Variants in RASAL1 observed in about 807,000 individuals in gnomAD.
RASAL1 encodes RAS protein activator like 1.
Under a neutral mutation model 96.6 loss-of-function variants are expected in RASAL1, and 72 were observed. That is an observed-to-expected ratio of 0.75 (90% CI 0.62 to 0.91). The LOEUF (loss-of-function observed/expected upper bound fraction) is 0.91, where lower values mean the gene tolerates loss of function less well. Among genes scored for constraint, RASAL1 ranks in the 40% least tolerant of loss-of-function variants. The pLI is 0.00. For synonymous variants in RASAL1, 405 were observed against 430.4 expected (o/e 0.94, Z 0.73); for missense variants, 1,016 against 1,072.5 (o/e 0.95, Z 0.74).
chr12:113,118,722 GA>G (rs1172993267), intron 7 of RASAL1, among the ~76,000 whole-genome samples: 1 of 152,152 alleles, frequency 6.6e-6, no homozygotes, highest in African/African-American at 2.4e-5. Flanking sequence ...ATATGACCTT[GA>G]AAAAGCCACT....
At position 113,135,533 on chromosome 12, in the gene RASAL1, T is replaced by A. The variant is rs1437656783; in HGVS notation, c.-71A>T. On this transcript the variant is annotated 5_prime_UTR_variant, in exon 1 of 21. It removes an upstream start codon present in the reference 5' UTR. Coordinates refer to ENST00000548055, the MANE Select transcript of RASAL1 (RefSeq NM_001301202.2). The surrounding 1 kb of genome is among the most constrained non-coding windows in gnomAD (Gnocchi z 5.7). Reference sequence around the variant, plus strand: ...GAGGCTGGACCAGGGGACGTCTACATGTCACCTGCTTCAAGCCTGGCTCCC... The same window carrying A: ...GAGGCTGGACCAGGGGACGTCTACAAGTCACCTGCTTCAAGCCTGGCTCCC... 7.6e-6 allele frequency: 10 copies of A among 1,315,602 alleles called. No individual in the cohort carries two copies. Among genetic ancestry groups the A allele is most frequent in the Non-Finnish European group, 9.6e-6 (9 of 937,196 alleles). The allele number at this position is 1,315,602 out of a possible 1,614,324, so 81.5% of individuals were successfully genotyped here.
In RASAL1 at chr12:113,108,081, G is replaced by A. The variant is rs1244963162; in HGVS notation, c.1512+4C>T. ...CTAGGATGGGGGAAACCCATGGCTG[G>A]CACCTTGGCAAGCAACAGCAGTGAG... On this transcript the variant is annotated splice_donor_region_variant and intron_variant, in intron 14 of 20. Coordinates refer to ENST00000548055, the MANE Select transcript of RASAL1 (RefSeq NM_001301202.2). 3 of 1,608,278 alleles carry A rather than the reference G, an allele frequency of 1.9e-6. No individual in the cohort carries two copies. The highest frequency in any genetic ancestry group is 1.7e-6 in the Non-Finnish European group (2 of 1,177,438).
intron 4 of RASAL1, among the ~76,000 whole-genome samples, chr12:113,126,752 AC>A (rs2136237393): frequency 6.6e-6 from 1 of 151,954 alleles, no homozygotes; most frequent in East Asian, 1.9e-4. Flanking sequence ...CTGGAACTAG[AC>A]AACTTTGGTT....
chr12:113,129,603 C>T lies in RASAL1; in HGVS notation c.122+1282G>A, dbSNP rs183802200. Reference sequence around the variant, plus strand: ...CAGCAGAGAACAGATTCTACTTGCCCGGTAAAGACACACCCACATTTGTGG... The same window carrying T: ...CAGCAGAGAACAGATTCTACTTGCCTGGTAAAGACACACCCACATTTGTGG... On this transcript the variant is annotated intron_variant, in intron 2 of 20. Coordinates refer to ENST00000548055, the MANE Select transcript of RASAL1 (RefSeq NM_001301202.2). The surrounding 1 kb of genome is among the most constrained non-coding windows in gnomAD (Gnocchi z 5.0). Among the ~76,000 whole-genome samples the T allele has an allele frequency of 3.3e-5, 5 of 152,188 alleles. No individual in the cohort carries two copies. Among genetic ancestry groups the T allele is most frequent in the African/African-American group, 1.2e-4 (5 of 41,454 alleles).
chr12:113,104,148 G>C lies in RASAL1; in HGVS notation c.1968+13C>G, dbSNP rs1461297014. On this transcript the variant is annotated intron_variant, in intron 17 of 20. Transcript: ENST00000548055. ...AGGGACGCCCCCCGCTCCCCATCGC[G>C]GTGGGGTCTCACCTTGCACTGGAGG... 1 of 1,597,926 alleles carries C rather than the reference G, an allele frequency of 6.3e-7. No homozygotes were observed. Among genetic ancestry groups the C allele is most frequent in the Non-Finnish European group, 8.6e-7 (1 of 1,167,758 alleles).
intron 4 of RASAL1, among the ~76,000 whole-genome samples, chr12:113,123,686 C>G (rs1566064121): frequency 6.6e-6 from 1 of 152,152 alleles, no homozygotes; most frequent in Non-Finnish European, 1.5e-5. Flanking sequence ...CAGGTTCAAG[C>G]AATTCTCATG....
At chr12:113,133,205 C>T (rs996947966) in intron 1 of RASAL1, among the ~76,000 whole-genome samples, 23 of 152,218 alleles carry the variant, frequency 1.5e-4, no homozygotes, top group African/African-American at 5.3e-4. Context: ...CCTTATCAGA[C>T]TCCTATCAGG....
chr12:113,113,802 G>A (rs1198713224), intron 12 of RASAL1, among the ~76,000 whole-genome samples: 2 of 152,186 alleles, frequency 1.3e-5, no homozygotes, highest in African/African-American at 4.8e-5. Flanking sequence ...GGAGAGAAAG[G>A]AGGAGCCCAC....
In RASAL1 at chr12:113,135,548, G is replaced by C; in HGVS notation, c.-86C>G. 8.4e-7 allele frequency: 1 copy of C among 1,193,192 alleles called. No homozygotes were observed. Among genetic ancestry groups the C allele is most frequent in the Admixed American group, 2.1e-5 (1 of 47,442 alleles). 73.9% of individuals were successfully genotyped at this position (1,193,192 alleles called of 1,614,324 possible). On this transcript the variant is annotated 5_prime_UTR_variant, in exon 1 of 21. Transcript: ENST00000548055. The surrounding 1 kb of genome is among the most constrained non-coding windows in gnomAD (Gnocchi z 5.7). ...GACGTCTACATGTCACCTGCTTCAA[G>C]CCTGGCTCCCTGCCTCGTGGTCCCA... is the stretch of plus-strand genomic sequence containing the variant.
chr12:113,122,696 CAG>C (rs1377586886), intron 4 of RASAL1, among the ~76,000 whole-genome samples: 13 of 152,216 alleles, frequency 8.5e-5, no homozygotes, highest in Non-Finnish European at 1.3e-4. Context: ...TGTCTAGATA[CAG>C]ATTTTTTAAA....
In RASAL1 at chr12:113,123,708, C is replaced by T. The variant is rs548984496; in HGVS notation, c.299-2070G>A. ...AAGCAATTCTCATGTCTCAGTCTCT[C>T]GAATAGCAAGGATTACAGGCACCTG... On this transcript the variant is annotated intron_variant, in intron 4 of 20. Coordinates refer to ENST00000548055, the MANE Select transcript of RASAL1 (RefSeq NM_001301202.2). Among the ~76,000 whole-genome samples, 8 of 152,242 alleles carry T rather than the reference C, an allele frequency of 5.3e-5. No homozygotes were observed. In the East Asian group the frequency reaches 1.4e-3, roughly 26 times the overall value.
In RASAL1 at chr12:113,108,124, C is replaced by G. The variant is rs201065218; in HGVS notation, c.1473G>C (p.Ala491=). 6.2e-7 allele frequency: 1 copy of G among 1,613,588 alleles called. No individual in the cohort carries two copies. Residue 491 remains alanine, a synonymous_variant, in exon 14 of 21, where the codon GCG becomes GCC. Transcript: ENST00000548055. Reference sequence around the variant, plus strand: ...GCAGTGAGCGGCTAGTCTGGGGGTCCGCGTGTTGGTCCCGAAGGTCAAACA... The same window carrying G: ...GCAGTGAGCGGCTAGTCTGGGGGTCGGCGTGTTGGTCCCGAAGGTCAAACA... ...PKLFDLRDQH[A]DPQTSRSLLL...
At chr12:113,116,359 A>G (rs1426716605) in intron 8 of RASAL1, among the ~76,000 whole-genome samples, 1 of 146,188 alleles carries the variant, frequency 6.8e-6, no homozygotes, top group African/African-American at 2.5e-5. Context: ...TACTCTGTCT[A>G]AAAAAAAAAA....
intron 4 of RASAL1, 106 bp downstream of exon 4, chr12:113,127,704 TAA>T: frequency 2.2e-6 from 2 of 903,608 alleles, no homozygotes; most frequent in South Asian, 3.5e-5. Context: ...ACAAGAGAAA[TAA>T]GTTTCCACTG....
In RASAL1 at chr12:113,130,968, A is replaced by G. The variant is rs1188217975; in HGVS notation, c.66-27T>C. 1 of 1,602,186 alleles carries G rather than the reference A, an allele frequency of 6.2e-7. No homozygotes were observed. The highest frequency in any genetic ancestry group is 1.7e-5 in the Admixed American group (1 of 59,788). On this transcript the variant is annotated intron_variant, in intron 1 of 20. Transcript: ENST00000548055. This position sits in a 1 kb window ranked among gnomAD's most constrained non-coding sequence, Gnocchi z 5.1. ...TGCAGAAGGAGGGAGTTCAGGGAGG[A>G]AGCAGGTTGAGAGGGCAGCCATGAG...
chr12:113,101,884 C>T lies in RASAL1; in HGVS notation c.2225+5G>A, dbSNP rs201072698. ...AGGTGAAGTGGGATGGGTGGGGGCA[C>T]CCACCTGAGCTGGTCCCGCCCCAGG... On this transcript the variant is annotated splice_donor_5th_base_variant and intron_variant, in intron 19 of 20. Coordinates refer to ENST00000548055, the MANE Select transcript of RASAL1 (RefSeq NM_001301202.2). 7.4e-6 allele frequency: 12 copies of T among 1,611,968 alleles called. No individual in the cohort carries two copies. The highest frequency in any genetic ancestry group is 3.3e-5 in the South Asian group (3 of 90,842).
rs1362913609 is a variant in RASAL1, at chr12:113,104,276, G to A, written c.1853C>T (p.Ser618Phe). The change falls in exon 17 of 21, where the codon TCT becomes TTT. Residue 618 changes from serine to phenylalanine, a missense_variant. Transcript: ENST00000548055. ...EWQMCHSIPV[S>F]HIRAVERVDE... ...TACGCGCTCCACGGCGCGGATGTGAGACACGGGGATGGAGTGACACATCTG... is the reference window on the plus strand; with the variant it reads ...TACGCGCTCCACGGCGCGGATGTGAAACACGGGGATGGAGTGACACATCTG... 2 of 1,580,294 alleles carry A rather than the reference G, an allele frequency of 1.3e-6. No homozygotes were observed. The highest frequency in any genetic ancestry group is 1.7e-6 in the Non-Finnish European group (2 of 1,163,222).
In RASAL1 at chr12:113,115,641, G is replaced by A; in HGVS notation, c.997C>T (p.Arg333Trp). The stretch of plus-strand genomic sequence containing the variant: ...GGTTGTGCGGGCAACTCACTGGTCC[G>A]AGCCACCTCACGCCGGGTGAGATAG... ...LDYLTRREVA[R>W]TMDPNTLFRS... The change falls in exon 10 of 21, where the codon CGG becomes TGG. Residue 333 changes from arginine to tryptophan, a missense_variant. Arg to Trp is a moderately radical substitution (Grantham distance 101). Coordinates refer to ENST00000548055, the MANE Select transcript of RASAL1 (RefSeq NM_001301202.2). The surrounding 1 kb of genome is among the most constrained non-coding windows in gnomAD (Gnocchi z 4.1). The A allele has an allele frequency of 6.2e-7, 1 of 1,613,104 alleles. No homozygotes were observed. The highest frequency in any genetic ancestry group is 2.2e-5 in the East Asian group (1 of 44,874).
chr12:113,115,731 G>A lies in RASAL1; in HGVS notation c.907C>T (p.Gln303Ter). Residue 303 changes from glutamine (Q) to a stop codon, truncating the protein, a stop_gained, in exon 10 of 21, where the codon CAG (glutamine) becomes TAG (stop). Transcript: ENST00000548055. LOFTEE classifies it high-confidence loss of function. The surrounding 1 kb of genome is among the most constrained non-coding windows in gnomAD (Gnocchi z 4.1). ...LEELTLGDCR[Q>*]DLATKLVKLF... Reference sequence around the variant, plus strand: ...TTCACCAGCTTGGTGGCAAGGTCCTGGCGGCAGTCCCCCAAGGTCAGCTCT... The same window carrying A: ...TTCACCAGCTTGGTGGCAAGGTCCTAGCGGCAGTCCCCCAAGGTCAGCTCT... 1.2e-6 allele frequency: 2 copies of A among 1,614,176 alleles called. No individual in the cohort carries two copies. The highest frequency in any genetic ancestry group is 1.7e-5 in the Admixed American group (1 of 60,026).
Sources: gnomAD v4.1 joint callset for allele counts (sites outside exome capture counted in the v4.1 genomes callset) on GRCh38, gnomAD v4.1.1 for gene constraint, Gnocchi (gnomAD v3.1) non-coding constraint, MANE v1.5 for transcripts, NCBI Gene and HGNC (gene_info 2026-07-23, HGNC 2026-07-21) for gene names.